The following TACR3 variants were observed in gnomAD, a reference collection of about 807,000 sequenced individuals.
TACR3 encodes the protein neuromedin-K receptor.
TACR3 carries 34 observed loss-of-function variants against 35.0 expected under a neutral mutation model. The observed-to-expected ratio is 0.97, with a 90% CI of 0.74 to 1.30. The LOEUF (loss-of-function observed/expected upper bound fraction) is 1.30. Among genes scored for constraint, TACR3 ranks in the 50% most tolerant of loss-of-function variants. The pLI, the probability that TACR3 is intolerant of heterozygous loss-of-function variation, is 0.00. For missense variants in TACR3, 558 were observed against 591.7 expected (o/e 0.94, Z 0.59); for synonymous variants, 233 against 221.1 (o/e 1.05, Z -0.48).
intron 3 of TACR3, among the ~76,000 whole-genome samples, chr4:103,599,420 T>C (rs551187704): frequency 6.6e-6 from 1 of 152,322 alleles, no homozygotes; most frequent in African/African-American, 2.4e-5. Flanking sequence ...TTTGACTTCC[T>C]CTTTTCCTAA....
chr4:103,662,941 A>G (rs1217698807), intron 1 of TACR3, among the ~76,000 whole-genome samples: 1 of 152,222 alleles, frequency 6.6e-6, no homozygotes, highest in African/African-American at 2.4e-5. Context: ...TATGTGGTAC[A>G]TTGTTACAGC....
chr4:103,612,920 A>G (rs1724543173), intron 3 of TACR3, among the ~76,000 whole-genome samples: 1 of 152,198 alleles, frequency 6.6e-6, no homozygotes, highest in Non-Finnish European at 1.5e-5. Context: ...AAATAGATGA[A>G]TGGTACAAAG....
At chr4:103,626,739 A>T (rs752543535) in intron 3 of TACR3, among the ~76,000 whole-genome samples, 2 of 152,152 alleles carry the variant, frequency 1.3e-5, no homozygotes, top group Non-Finnish European at 2.9e-5. Flanking sequence ...GTATAGTTTA[A>T]GGTTAAGGGA....
chr4:103,659,918 A>G (rs1030057247), intron 1 of TACR3, among the ~76,000 whole-genome samples: 1 of 152,174 alleles, frequency 6.6e-6, no homozygotes, highest in Non-Finnish European at 1.5e-5. Flanking sequence ...TTGTATTTTA[A>G]TAAAACACGA....
intron 1 of TACR3, among the ~76,000 whole-genome samples, chr4:103,659,472 A>G (rs1444340364): frequency 2.0e-5 from 3 of 152,148 alleles, no homozygotes; most frequent in Non-Finnish European, 1.5e-5. Flanking sequence ...AAACTCCTAT[A>G]AAAGATATGG....
chr4:103,615,090 G>T (rs184544205), intron 3 of TACR3, among the ~76,000 whole-genome samples: 1 of 151,686 alleles, frequency 6.6e-6, no homozygotes, highest in African/African-American at 2.4e-5. Flanking sequence ...TAGAGACAGG[G>T]TTTCACTGTG....
intron 3 of TACR3, among the ~76,000 whole-genome samples, chr4:103,629,870 A>C (rs1233520330): frequency 1.8e-5 from 2 of 108,296 alleles, no homozygotes; most frequent in Admixed American, 9.2e-5. Context: ...ACAAAAAAAA[A>C]ACAAAAAAAA....
chr4:103,664,880 C>G (rs1725905485), intron 1 of TACR3, among the ~76,000 whole-genome samples: 2 of 152,070 alleles, frequency 1.3e-5, no homozygotes, highest in Middle Eastern at 3.4e-3. Flanking sequence ...GGTGTGATCA[C>G]AGCTCACTGA....
chr4:103,638,263 C>T (rs1441728847), intron 3 of TACR3, among the ~76,000 whole-genome samples: 2 of 150,508 alleles, frequency 1.3e-5, no homozygotes, highest in Admixed American at 6.6e-5. Context: ...TGGAACAGAA[C>T]AGAGCCCTCA....
intron 1 of TACR3, among the ~76,000 whole-genome samples, chr4:103,706,613 T>G (rs967061672): frequency 6.6e-6 from 1 of 152,022 alleles, no homozygotes; most frequent in African/African-American, 2.4e-5. Context: ...AAAGTACATA[T>G]AATAAAAAAC....
At chr4:103,594,378 A>T (rs1474247657) in intron 3 of TACR3, among the ~76,000 whole-genome samples, 1 of 152,050 alleles carries the variant, frequency 6.6e-6, no homozygotes, top group Non-Finnish European at 1.5e-5. Context: ...GGGTGTTACC[A>T]TAGTGGCCAG....
chr4:103,660,539 C>A (rs780064288), intron 1 of TACR3, among the ~76,000 whole-genome samples: 1 of 151,922 alleles, frequency 6.6e-6, no homozygotes, highest in Non-Finnish European at 1.5e-5. Context: ...AACACACACA[C>A]ACACACACAA....
chr4:103,599,100 T>C (rs1724121435), intron 3 of TACR3, among the ~76,000 whole-genome samples: 1 of 152,206 alleles, frequency 6.6e-6, no homozygotes, highest in Admixed American at 6.5e-5. Flanking sequence ...GGAATGTTCT[T>C]CCATTTGTTT....
intron 3 of TACR3, among the ~76,000 whole-genome samples, chr4:103,627,098 C>T (rs139698143): frequency 0.036 from 5,004 of 138,500 alleles, 310 homozygotes; most frequent in African/African-American, 0.13. Context: ...AGGAGAATCA[C>T]TTGAACTCAG....
At chr4:103,603,634 C>T (rs142526449) in intron 3 of TACR3, among the ~76,000 whole-genome samples, 2,635 of 152,248 alleles carry the variant, frequency 0.017, 73 homozygotes, top group African/African-American at 0.06. Flanking sequence ...AATAAACATA[C>T]GTGTGCATGT....
chr4:103,632,843 C>G (rs1351622), intron 3 of TACR3, among the ~76,000 whole-genome samples: 5,940 of 151,838 alleles, frequency 0.039, 255 homozygotes, highest in African/African-American at 0.11. Context: ...TCTAACAGTG[C>G]CTTGTAAATG....
chr4:103,604,954 A>G (rs1724318100), intron 3 of TACR3, among the ~76,000 whole-genome samples: 1 of 146,502 alleles, frequency 6.8e-6, no homozygotes, highest in South Asian at 2.3e-4. Flanking sequence ...AGCATTAGGT[A>G]TATCTCCCAA....
At chr4:103,649,365 T>C (rs767081855) in intron 3 of TACR3, among the ~76,000 whole-genome samples, 1 of 152,086 alleles carries the variant, frequency 6.6e-6, no homozygotes, top group Non-Finnish European at 1.5e-5. Context: ...CTTTGCCTAG[T>C]TCAATGGCCT....
At chr4:103,621,336 C>G (rs1179280059) in intron 3 of TACR3, among the ~76,000 whole-genome samples, 1 of 152,088 alleles carries the variant, frequency 6.6e-6, no homozygotes, top group Non-Finnish European at 1.5e-5. Flanking sequence ...GATGAAGAAG[C>G]TGGGAGATAA....
Sources: gnomAD v4.1 joint callset for allele counts (sites outside exome capture counted in the v4.1 genomes callset) on GRCh38, gnomAD v4.1.1 for gene constraint, MANE v1.5 for transcripts, NCBI Gene and HGNC (gene_info 2026-07-23, HGNC 2026-07-21) for gene names.